STAB1: variants seen among roughly 807,000 people sequenced by gnomAD.
STAB1 encodes the protein stabilin-1.
Under a neutral mutation model 332.4 loss-of-function variants are expected in STAB1, and 250 were observed. The ratio of observed to expected loss-of-function variants is 0.75; its 90% CI spans 0.68 to 0.84. The LOEUF (loss-of-function observed/expected upper bound fraction) is 0.84. Ranked by LOEUF, STAB1 falls within the 40% of genes least tolerant of loss-of-function variation. The pLI is 0.00. For synonymous variants in STAB1, 1,475 were observed against 1,390.4 expected, an observed-to-expected ratio of 1.06 and a Z score of -1.35; for missense variants, 3,249 against 3,489.7, an observed-to-expected ratio of 0.93 and a Z score of 1.74.
intron 46 of STAB1, 57 bp from the exon 47 acceptor site, chr3:52,518,479 A>T: frequency 6.4e-7 from 1 of 1,561,838 alleles, no homozygotes; most frequent in South Asian, 1.2e-5. Context: ...TCCCCAGGAG[A>T]TCCATGGACG....
rs1283104675 is a variant in STAB1 at position 52,517,305 on chromosome 3, T to C, written c.4490-15T>C. The stretch of plus-strand genomic sequence containing the variant: ...CCACTAAGGGCCACCCCCATCCCAG[T>C]GTCTCTTCCCCCAGAAATTAACAGC... On this transcript the variant is annotated splice_polypyrimidine_tract_variant and intron_variant, in intron 42 of 68. Coordinates refer to ENST00000321725, the MANE Select transcript of STAB1 (RefSeq NM_015136.3). The C allele has an allele frequency of 1.3e-6, 2 of 1,550,054 alleles. No individual in the cohort carries two copies. Among genetic ancestry groups the C allele is most frequent in the African/African-American group, 1.4e-5 (1 of 72,482 alleles).
At chr3:52,519,645 T>G in intron 50 of STAB1, 81 bp downstream of exon 50, 3 of 1,558,846 alleles carry the variant, frequency 1.9e-6, no homozygotes, top group Non-Finnish European at 1.8e-6. Flanking sequence ...TACCTGTGTG[T>G]GCATACCCAC....
At chr3:52,514,913 C>A (rs1263171577) in intron 35 of STAB1, 76 bp from the exon 36 acceptor site, 1 of 1,612,178 alleles carries the variant, frequency 6.2e-7, no homozygotes, top group Admixed American at 1.7e-5. Context: ...GGGAGGGGCG[C>A]ATGGTCAGTC....
At position 52,503,774 on chromosome 3, in the gene STAB1, C is replaced by G. The variant is rs753946268; in HGVS notation, c.894C>G (p.Ala298=). The G allele has an allele frequency of 8.7e-6, 14 of 1,612,988 alleles. No individual in the cohort carries two copies. Among genetic ancestry groups the G allele is most frequent in the African/African-American group, 4.0e-5 (3 of 74,926 alleles). Residue 298 remains alanine (A), a splice_region_variant and synonymous_variant, in exon 9 of 69, where the codon GCC becomes GCG. Transcript: ENST00000321725. ...TLCVYQKPGQ[A]FCTCRPGLVS... ...CCTCCTGCCCTGTCGGGGGCCAGGC[C>G]TTCTGCACCTGCCGGCCAGGCCTGG...
Position 52,506,811 on chromosome 3 carries a change from G to A in STAB1, c.1950G>A (p.Leu650=). ...ILLPPTILPI[L]PKHCSEEQHK... The stretch of plus-strand genomic sequence containing the variant: ...TGCCCCCGACCATCCTGCCCATCCT[G>A]CCCAAGCACTGCAGCGAGGAGCAGC... Residue 650 remains leucine (L), a synonymous_variant, in exon 18 of 69, where the codon CTG becomes CTA. Coordinates refer to ENST00000321725, the MANE Select transcript of STAB1 (RefSeq NM_015136.3). 6.2e-7 allele frequency: 1 copy of A among 1,613,214 alleles called. No homozygotes were observed. The highest frequency in any genetic ancestry group is 8.5e-7 in the Non-Finnish European group (1 of 1,179,974).
At chr3:52,514,607 G>A in intron 34 of STAB1, 94 bp from the exon 35 acceptor site, 1 of 1,584,124 alleles carries the variant, frequency 6.3e-7, no homozygotes, top group Non-Finnish European at 8.6e-7. Context: ...CTCTGCTCCA[G>A]GGAGCCCCCC....
intron 4 of STAB1, 28 bp downstream of exon 4, chr3:52,502,119 G>A (rs752741111): frequency 7.3e-5 from 117 of 1,613,450 alleles, no homozygotes; most frequent in Non-Finnish European, 9.6e-5. Flanking sequence ...TGGGGTGGAG[G>A]CTCAGAGGGG....
chr3:52,521,854 T>C lies in STAB1; in HGVS notation c.6174T>C (p.Pro2058=). The C allele has an allele frequency of 6.3e-7, 1 of 1,598,568 alleles. No homozygotes were observed. The highest frequency in any genetic ancestry group is 8.5e-7 in the Non-Finnish European group (1 of 1,171,174). The change falls in exon 58 of 69, where the codon CCT becomes CCC. Residue 2058 remains proline, a synonymous_variant. Coordinates refer to ENST00000321725, the MANE Select transcript of STAB1 (RefSeq NM_015136.3). ...GGCCCTGGGGGACAGAGCTGCAGCC[T>C]GTGTGTACCCCACCCTGTGCACCCG... ...PRCEVQLELQ[P]VCTPPCAPEA... is the part of the protein sequence containing the mutation.
At chr3:52,510,097 T>TC (rs1283566259) in intron 23 of STAB1, 41 bp downstream of exon 23, 2 of 1,613,532 alleles carry the variant, frequency 1.2e-6, no homozygotes, top group Admixed American at 3.3e-5. Context: ...CCGTGACCTT[T>TC]CATACCTGAG....
chr3:52,518,845 C>A lies in STAB1; in HGVS notation c.5010C>A (p.His1670Gln), dbSNP rs767127401. Residue 1670 changes from histidine (H) to glutamine (Q), a missense_variant, in exon 48 of 69, where the codon CAC becomes CAA. Transcript: ENST00000321725. The part of the protein sequence containing the change: ...EQGYATALSG[H>Q]PLRFSEREGS... The stretch of plus-strand genomic sequence containing the variant: ...GGTACGCCACGGCCCTCTCAGGGCA[C>A]CCACTGCGCTTCAGCGAGAGGGAGG... The A allele has an allele frequency of 6.2e-7, 1 of 1,604,208 alleles. No individual in the cohort carries two copies. The highest frequency in any genetic ancestry group is 1.7e-5 in the Admixed American group (1 of 59,570).
At chr3:52,502,315 C>A in intron 5 of STAB1, 87 bp downstream of exon 5, 1 of 1,417,062 alleles carries the variant, frequency 7.1e-7, no homozygotes, top group Non-Finnish European at 9.7e-7. Context: ...TCCCACCTGT[C>A]CCTTCAGCCT....
At position 52,523,996 on chromosome 3, in the gene STAB1, CT is replaced by C. The variant is rs745922844; in HGVS notation, c.7524del (p.Phe2508LeufsTer92). ...TCCGTGCCCGAGGCAAGCCCATGGG[CT>C]TTGGCTTCTCTGCCTTCCAGGTAGG... is the stretch of plus-strand genomic sequence containing the variant. ...YLRARGKPMG[F>X]GFSAFQAEDD... is the part of the protein sequence containing the mutation. On this transcript the variant is annotated frameshift_variant, in exon 67 of 69. Transcript: ENST00000321725. LOFTEE classifies it high-confidence loss of function. 1 of 1,612,150 alleles carries C rather than the reference CT, an allele frequency of 6.2e-7. No homozygotes were observed. The highest frequency in any genetic ancestry group is 1.3e-5 in the African/African-American group (1 of 75,062).
intron 68 of STAB1, 26 bp downstream of exon 68, chr3:52,524,239 G>C (rs1011468742): frequency 6.2e-7 from 1 of 1,613,894 alleles, no homozygotes; most frequent in Non-Finnish European, 8.5e-7. Context: ...AAGAAGTGTG[G>C]CAGATGTGGG....
rs2153234070 is a variant in STAB1, at chr3:52,520,082, G to A, written c.5374G>A (p.Ala1792Thr). 1 of 1,611,738 alleles carries A rather than the reference G, an allele frequency of 6.2e-7. No homozygotes were observed. The highest frequency in any genetic ancestry group is 1.7e-5 in the Admixed American group (1 of 59,990). The change falls in exon 51 of 69, where the codon GCA (alanine) becomes ACA (threonine). Residue 1792 changes from alanine (A) to threonine (T), a missense_variant. By Grantham distance (58) the Ala-to-Thr change is moderately conservative. Coordinates refer to ENST00000321725, the MANE Select transcript of STAB1 (RefSeq NM_015136.3). Reference protein sequence around the residue: ...LYHEDHRDKLAAILRGHMIRN... With the variant: ...LYHEDHRDKLTAILRGHMIRN... ...CCATGAGGACCACCGTGACAAGCTA[G>A]CAGCCATTCTGCGGGGCCACATGAT...
Position 52,513,680 on chromosome 3 carries a change from T to G in STAB1, c.3271-37T>G, listed in dbSNP as rs1163829222. On this transcript the variant is annotated intron_variant, in intron 30 of 68. Coordinates refer to ENST00000321725, the MANE Select transcript of STAB1 (RefSeq NM_015136.3). The stretch of plus-strand genomic sequence containing the variant: ...TGCCCCACCTTTAAGGGTCTATCTG[T>G]GCCCACCTGTGGCTAAGCTCTGCTG... 3 of 1,599,160 alleles carry G rather than the reference T, an allele frequency of 1.9e-6. No individual in the cohort carries two copies. In the Admixed American group the frequency reaches 5.2e-5, roughly 28 times the overall value.
At chr3:52,498,259 G>T (rs763095628) in intron 1 of STAB1, among the ~76,000 whole-genome samples, 1 of 152,210 alleles carries the variant, frequency 6.6e-6, no homozygotes, top group South Asian at 2.1e-4. Context: ...TCAGGTCTGC[G>T]GGGGGTGTGG....
At position 52,506,211 on chromosome 3, in the gene STAB1, C is replaced by G; in HGVS notation, c.1791C>G (p.Thr597=). 1 of 1,612,980 alleles carries G rather than the reference C, an allele frequency of 6.2e-7. No homozygotes were observed. The highest frequency in any genetic ancestry group is 8.5e-7 in the Non-Finnish European group (1 of 1,179,708). The change falls in exon 17 of 69, where the codon ACC becomes ACG. Residue 597 remains threonine, a synonymous_variant. Transcript: ENST00000321725. ...EKLISKGRIL[T]MANQVLAVNI... ...TCATCTCCAAGGGTCGGATCCTCAC[C>G]ATGGCGAACCAGGTCCTGGCTGTGA...
Position 52,512,809 on chromosome 3 carries a change from G to C in STAB1, c.3028-19G>C. The C allele has an allele frequency of 6.2e-7, 1 of 1,607,106 alleles. No homozygotes were observed. Reference sequence around the variant, plus strand: ...TGCCTTCCTCGCTCCTCCCGCCCCTGCTCCCTGTGTGCGTGCAGAGTGCCG... The same window carrying C: ...TGCCTTCCTCGCTCCTCCCGCCCCTCCTCCCTGTGTGCGTGCAGAGTGCCG... On this transcript the variant is annotated intron_variant, in intron 28 of 68. Coordinates refer to ENST00000321725, the MANE Select transcript of STAB1 (RefSeq NM_015136.3).
chr3:52,507,747 G>A (rs1449577810), intron 19 of STAB1, 72 bp downstream of exon 19: 3 of 1,579,992 alleles, frequency 1.9e-6, no homozygotes, highest in Non-Finnish European at 2.6e-6. Flanking sequence ...GGTCACAGGG[G>A]TGGGTGGGGG....
Sources: gnomAD v4.1 joint callset for allele counts (sites outside exome capture counted in the v4.1 genomes callset) on GRCh38, gnomAD v4.1.1 for gene constraint, MANE v1.5 for transcripts, NCBI Gene and HGNC (gene_info 2026-07-23, HGNC 2026-07-21) for gene names.